The following ZNF276 variants were observed in gnomAD, a reference collection of about 807,000 sequenced individuals.
ZNF276 encodes centromere protein Z.
Under a neutral mutation model 63.9 loss-of-function variants are expected in ZNF276, and 59 were observed. The observed-to-expected ratio is 0.92, with a 90% CI of 0.75 to 1.15. The LOEUF (loss-of-function observed/expected upper bound fraction) is 1.15, where lower values mean the gene tolerates loss of function less well. Among genes scored for constraint, ZNF276 ranks in the 50% most tolerant of loss-of-function variants. The pLI, the probability that ZNF276 is intolerant of heterozygous loss-of-function variation, is 0.00. For missense variants in ZNF276, 1,084 were observed against 843.8 expected (o/e 1.28, Z -3.53); for synonymous variants, 496 against 348.4 (o/e 1.42, Z -4.72).
At chr16:89,725,055 A>C (rs945133772) in intron 4 of ZNF276, among the ~76,000 whole-genome samples, 1 of 148,012 alleles carries the variant, frequency 6.8e-6, no homozygotes, top group Admixed American at 6.7e-5. Flanking sequence ...CTGGGATGAC[A>C]GGCACATGCC....
chr16:89,738,523 G>T lies in ZNF276; in HGVS notation c.*277G>T. The T allele has an allele frequency of 6.2e-7, 1 of 1,600,164 alleles. No individual in the cohort carries two copies. On this transcript the variant is annotated 3_prime_UTR_variant, in exon 11 of 11. Coordinates refer to ENST00000443381, the MANE Select transcript of ZNF276 (RefSeq NM_001113525.2). ...GAGGAGATTTGTAATCCACTTTTTA[G>T]TGCAACAAGAGCTCCATGTTATGCT...
intron 6 of ZNF276, among the ~76,000 whole-genome samples, chr16:89,729,986 CCT>C (rs2061593086): frequency 6.6e-6 from 1 of 152,176 alleles, no homozygotes; most frequent in Admixed American, 6.5e-5. Flanking sequence ...TGACCCAGTC[CCT>C]GTCCTTGAGC....
Position 89,721,632 on chromosome 16 carries a change from T to C in ZNF276, c.-9T>C. The C allele has an allele frequency of 6.8e-7, 1 of 1,472,436 alleles. No individual in the cohort carries two copies. The highest frequency in any genetic ancestry group is 8.9e-7 in the Non-Finnish European group (1 of 1,117,402). 91.2% of individuals were successfully genotyped at this position (1,472,436 alleles called of 1,614,324 possible). A position where few individuals can be genotyped will look rare whatever the true frequency, so the allele number is the denominator to read the frequency against. On this transcript the variant is annotated 5_prime_UTR_variant, in exon 1 of 11. Coordinates refer to ENST00000443381, the MANE Select transcript of ZNF276 (RefSeq NM_001113525.2). ...CACCCGCGGGATTCTGCTGGCGTCC[T>C]CCGCTGCCATGAAGCGGGACCGGCT...
chr16:89,740,298 C>T lies in ZNF276; in HGVS notation c.*2052C>T. On this transcript the variant is annotated 3_prime_UTR_variant, in exon 11 of 11. Transcript: ENST00000443381. ...CAGGTAGGAGGCCAGGGACTTCGAG[C>T]ACCCACACCAAGGCTGCTGCACCAC... 1.7e-6 allele frequency: 1 copy of T among 601,168 alleles called. No homozygotes were observed. The highest frequency in any genetic ancestry group is 3.0e-6 in the Non-Finnish European group (1 of 335,328). The allele number at this position is 601,168 out of a possible 1,614,324, so 37.2% of individuals were successfully genotyped here. A position where few individuals can be genotyped will look rare whatever the true frequency, so the allele number is the denominator to read the frequency against.
At chr16:89,723,796 G>A (rs1354912936) in intron 4 of ZNF276, 87 bp downstream of exon 4, 6 of 1,329,196 alleles carry the variant, frequency 4.5e-6, no homozygotes, top group Non-Finnish European at 6.1e-6. Context: ...TGTCTCCACT[G>A]CTCTAGGTGG....
intron 4 of ZNF276, among the ~76,000 whole-genome samples, chr16:89,726,976 C>T (rs1332045534): frequency 1.3e-5 from 2 of 152,210 alleles, no homozygotes; most frequent in Non-Finnish European, 2.9e-5. Context: ...GAACATCCAC[C>T]AAGTCCAGGC....
chr16:89,738,074 A>C lies in ZNF276; in HGVS notation c.1673A>C (p.Gln558Pro). The C allele has an allele frequency of 6.2e-7, 1 of 1,614,076 alleles. No homozygotes were observed. The highest frequency in any genetic ancestry group is 8.5e-7 in the Non-Finnish European group (1 of 1,180,024). Residue 558 changes from glutamine to proline, a missense_variant, in exon 11 of 11, where the codon CAG (glutamine) becomes CCG (proline). Coordinates refer to ENST00000443381, the MANE Select transcript of ZNF276 (RefSeq NM_001113525.2). ...ACTGAGCTGGACTTTGCCTGTGACC[A>C]GTGTGGCCGGCGGTTTGAGAAGGCC... ...AETELDFACD[Q>P]CGRRFEKAHN...
At chr16:89,735,459 C>T (rs1049975836) in intron 9 of ZNF276, among the ~76,000 whole-genome samples, 1 of 152,002 alleles carries the variant, frequency 6.6e-6, no homozygotes, top group Non-Finnish European at 1.5e-5. Context: ...TCCCGACATG[C>T]GGGTTGTTAT....
intron 9 of ZNF276, among the ~76,000 whole-genome samples, chr16:89,734,899 C>T (rs1027155032): frequency 6.6e-6 from 1 of 152,188 alleles, no homozygotes; most frequent in African/African-American, 2.4e-5. Context: ...TGGCTCACAC[C>T]TGTAATCCCA....
At chr16:89,728,110 G>A (rs1418024809) in intron 5 of ZNF276, among the ~76,000 whole-genome samples, 1 of 152,206 alleles carries the variant, frequency 6.6e-6, no homozygotes, top group Non-Finnish European at 1.5e-5. Flanking sequence ...AAATCGGGCA[G>A]GTGCCAGGAG....
chr16:89,728,129 G>C (rs1045706021), intron 5 of ZNF276, among the ~76,000 whole-genome samples: 3 of 152,182 alleles, frequency 2.0e-5, no homozygotes, highest in African/African-American at 7.2e-5. Flanking sequence ...AGGCACCTGG[G>C]GTGGCTAAGA....
At position 89,739,383 on chromosome 16, in the gene ZNF276, C is replaced by A; in HGVS notation, c.*1137C>A. The A allele has an allele frequency of 2.5e-6, 4 of 1,585,824 alleles. No individual in the cohort carries two copies. Among genetic ancestry groups the A allele is most frequent in the Admixed American group, 1.8e-5 (1 of 56,380 alleles). On this transcript the variant is annotated 3_prime_UTR_variant, in exon 11 of 11. Transcript: ENST00000443381. Reference sequence around the variant, plus strand: ...ACTGCTCATCTGTGGAGCAGAGGCACAGACAACCCTTCCCATCTGGCGGGA... The same window carrying A: ...ACTGCTCATCTGTGGAGCAGAGGCAAAGACAACCCTTCCCATCTGGCGGGA...
intron 4 of ZNF276, 71 bp downstream of exon 4, chr16:89,723,780 A>T (rs2061382142): frequency 6.9e-7 from 1 of 1,447,456 alleles, no homozygotes; most frequent in African/African-American, 1.4e-5. Context: ...TTCAGCAGAA[A>T]GTGAATGTCT....
chr16:89,721,024 C>G (rs1303700862), upstream of ZNF276: 1 of 644,006 alleles, frequency 1.6e-6, no homozygotes, highest in Non-Finnish European at 2.2e-6. Flanking sequence ...GTACTGCGGG[C>G]CCCACGGGTG....
At chr16:89,726,720 A>G (rs2061481982) in intron 4 of ZNF276, among the ~76,000 whole-genome samples, 1 of 151,870 alleles carries the variant, frequency 6.6e-6, no homozygotes, top group Non-Finnish European at 1.5e-5. Context: ...ATCTCGGCTC[A>G]CTGCAATGTC....
At chr16:89,733,868 G>C in intron 8 of ZNF276, 53 bp from the exon 9 acceptor site, 1 of 1,568,570 alleles carries the variant, frequency 6.4e-7, no homozygotes, top group South Asian at 1.1e-5. Flanking sequence ...GAGGGCTCGT[G>C]CCATGTGGCC....
intron 1 of ZNF276, 107 bp downstream of exon 1, chr16:89,721,952 C>A: frequency 1.3e-6 from 1 of 794,490 alleles, no homozygotes; most frequent in Non-Finnish European, 1.7e-6. Flanking sequence ...TCCACCCGGC[C>A]AAGGGCGTAG....
At chr16:89,722,111 T>C (rs1479489524) in intron 1 of ZNF276, among the ~76,000 whole-genome samples, 3 of 151,956 alleles carry the variant, frequency 2.0e-5, no homozygotes, top group African/African-American at 4.8e-5. Context: ...CGCGGGCAGG[T>C]CGCCCTGGGG....
At chr16:89,724,664 C>T (rs2061411867) in intron 4 of ZNF276, among the ~76,000 whole-genome samples, 1 of 152,064 alleles carries the variant, frequency 6.6e-6, no homozygotes, top group Non-Finnish European at 1.5e-5. Context: ...AACACAGCTA[C>T]CCAGATAGTT....
Sources: gnomAD v4.1 joint callset for allele counts (sites outside exome capture counted in the v4.1 genomes callset) on GRCh38, gnomAD v4.1.1 for gene constraint, MANE v1.5 for transcripts, NCBI Gene and HGNC (gene_info 2026-07-23, HGNC 2026-07-21) for gene names.